BMAL1: variants seen among roughly 807,000 people sequenced by gnomAD.
BMAL1 encodes the protein basic helix-loop-helix ARNT-like protein 1.
the BMAL1 span, among the ~76,000 whole-genome samples, chr11:13,285,367 A>G: frequency 1.3e-5 from 2 of 152,222 alleles, no homozygotes; most frequent in Non-Finnish European, 2.9e-5. Flanking sequence ...GAACAAAACA[A>G]GGGGCCCGCA....
At chr11:13,306,174 G>A in the BMAL1 span, among the ~76,000 whole-genome samples, 2 of 152,240 alleles carry the variant, frequency 1.3e-5, no homozygotes, top group Admixed American at 6.5e-5. Flanking sequence ...GTATAGGTCG[G>A]GGCTAGTTTA....
chr11:13,367,687 A>G, the BMAL1 span, among the ~76,000 whole-genome samples: 1,075 of 145,424 alleles, frequency 7.4e-3, 16 homozygotes, highest in African/African-American at 0.026. Flanking sequence ...CCTGGGTAAC[A>G]GAGCAAGACT....
chr11:13,377,322 C>T, the BMAL1 span, among the ~76,000 whole-genome samples: 4 of 152,190 alleles, frequency 2.6e-5, no homozygotes, highest in African/African-American at 7.2e-5. Context: ...CTCAGAGGCA[C>T]CTGAAATTCA....
At chr11:13,367,706 G>GAAAAAAAAA in the BMAL1 span, among the ~76,000 whole-genome samples, 2 of 86,208 alleles carry the variant, frequency 2.3e-5, no homozygotes, top group African/African-American at 9.7e-5. Flanking sequence ...CTCTGTCTCA[G>GAAAAAAAAA]AAAAAAAAAA....
the BMAL1 span, among the ~76,000 whole-genome samples, chr11:13,319,882 C>G: frequency 6.6e-6 from 1 of 152,194 alleles, no homozygotes; most frequent in Non-Finnish European, 1.5e-5. Flanking sequence ...CCCCAGAGAC[C>G]TGGGGAGTGG....
the BMAL1 span, among the ~76,000 whole-genome samples, chr11:13,343,220 G>A: frequency 4.6e-5 from 7 of 152,274 alleles, no homozygotes; most frequent in Non-Finnish European, 7.4e-5. Flanking sequence ...AAACTTGACC[G>A]TCATCTCCCA....
chr11:13,360,265 A>G, the BMAL1 span: 3 of 1,282,362 alleles, frequency 2.3e-6, no homozygotes, highest in Non-Finnish European at 3.4e-6. Flanking sequence ...GGCCACTTAC[A>G]GAAGGTTTGA....
chr11:13,290,012 A>G, the BMAL1 span, among the ~76,000 whole-genome samples: 2 of 152,180 alleles, frequency 1.3e-5, no homozygotes, highest in African/African-American at 4.8e-5. Context: ...GTGTAAAAGC[A>G]TTCCTATTTC....
the BMAL1 span, among the ~76,000 whole-genome samples, chr11:13,369,343 T>G: frequency 6.6e-6 from 1 of 152,250 alleles, no homozygotes; most frequent in Admixed American, 6.5e-5. Flanking sequence ...CATAAGCGTC[T>G]ATTGGGCAAG....
chr11:13,327,819 A>G, the BMAL1 span, among the ~76,000 whole-genome samples: 5 of 152,170 alleles, frequency 3.3e-5, no homozygotes, highest in African/African-American at 1.2e-4. Flanking sequence ...GAAGAAATTT[A>G]TAGACTCTCT....
the BMAL1 span, among the ~76,000 whole-genome samples, chr11:13,381,953 A>G: frequency 6.6e-6 from 1 of 152,158 alleles, no homozygotes; most frequent in African/African-American, 2.4e-5. Context: ...TTTTGGACAC[A>G]ATGGCTTCCT....
At chr11:13,339,246 G>GC in the BMAL1 span, among the ~76,000 whole-genome samples, 1 of 152,116 alleles carries the variant, frequency 6.6e-6, no homozygotes, top group Non-Finnish European at 1.5e-5. Flanking sequence ...TTGTCACCCT[G>GC]CCGTGGCCAC....
the BMAL1 span, chr11:13,354,210 A>ACCCAACCCC: frequency 7.3e-6 from 2 of 273,518 alleles, no homozygotes; most frequent in Non-Finnish European, 5.4e-6. Context: ...GCCCCCCACC[A>ACCCAACCCC]CCAAACCCCC....
At chr11:13,317,642 C>G in the BMAL1 span, among the ~76,000 whole-genome samples, 5 of 152,138 alleles carry the variant, frequency 3.3e-5, no homozygotes, top group African/African-American at 1.2e-4. Flanking sequence ...AGTTTTGTGC[C>G]TTGTATAGCT....
the BMAL1 span, among the ~76,000 whole-genome samples, chr11:13,291,902 G>A: frequency 6.6e-6 from 1 of 152,058 alleles, no homozygotes; most frequent in South Asian, 2.1e-4. Flanking sequence ...GATAAAACAC[G>A]GAGTTTGTGT....
the BMAL1 span, chr11:13,381,302 A>G: frequency 6.3e-7 from 1 of 1,586,486 alleles, no homozygotes; most frequent in Non-Finnish European, 8.6e-7. Flanking sequence ...CTTGCCCAAG[A>G]TCTGAAATGT....
the BMAL1 span, among the ~76,000 whole-genome samples, chr11:13,374,453 C>G: frequency 6.6e-6 from 1 of 152,152 alleles, no homozygotes; most frequent in African/African-American, 2.4e-5. Context: ...TTTCCCAGAC[C>G]CTGTAAAGAT....
chr11:13,302,127 T>C, the BMAL1 span, among the ~76,000 whole-genome samples: 20 of 151,460 alleles, frequency 1.3e-4, no homozygotes, highest in Middle Eastern at 3.4e-3. Context: ...GGGAGGAGGG[T>C]TTGGTGAGAG....
the BMAL1 span, chr11:13,356,601 A>G: frequency 2.1e-6 from 2 of 937,736 alleles, no homozygotes; most frequent in East Asian, 2.6e-5. Flanking sequence ...CTTATTATAC[A>G]TCATTAATTG....
Sources: gnomAD v4.1 joint callset for allele counts (sites outside exome capture counted in the v4.1 genomes callset) on GRCh38, gnomAD v4.1.1 for gene constraint, MANE v1.5 for transcripts, NCBI Gene and HGNC (gene_info 2026-07-23, HGNC 2026-07-21) for gene names.